WDR72: variants seen among roughly 807,000 people sequenced by gnomAD.
WDR72 encodes the protein WD repeat domain 72.
A neutral mutation model predicts 124.2 loss-of-function variants in WDR72; 120 were observed. That is an observed-to-expected ratio of 0.97 (90% confidence interval 0.83 to 1.12). WDR72 has a LOEUF of 1.12. Ranked by LOEUF, WDR72 falls within the 50% of genes most tolerant of loss-of-function variation. The probability of loss-of-function intolerance (pLI) is 0.00; values close to 1 mark genes in which losing one functional copy is unlikely to be tolerated. For synonymous variants in WDR72, 452 were observed against 441.7 expected (o/e 1.02, Z -0.29); for missense variants, 1,387 against 1,278.8 (o/e 1.08, Z -1.29).
In WDR72 at chr15:53,680,162, A is replaced by ACG. The variant is rs1220081558; in HGVS notation, c.1766-14395_1766-14394insCG. ...AACCAGAAATATTCTCTGAGATAAG[A>ACG]TAGGTTAATAGAATGCTCAGTTTCC... On this transcript the variant is annotated intron_variant, in intron 13 of 19. Coordinates refer to ENST00000360509, the MANE Select transcript of WDR72 (RefSeq NM_182758.4). Among the ~76,000 whole-genome samples the ACG allele has an allele frequency of 9.8e-5, 15 of 152,294 alleles. No individual in the cohort carries two copies. The East Asian group carries it at 2.9e-3, about 29-fold the overall frequency.
intron 14 of WDR72, among the ~76,000 whole-genome samples, chr15:53,645,865 T>A (rs1476058520): frequency 6.6e-6 from 1 of 152,158 alleles, no homozygotes; most frequent in Non-Finnish European, 1.5e-5. Flanking sequence ...ACATATATAT[T>A]TTTTGCTAGT....
At chr15:53,521,752 T>A (rs1891810028) in intron 19 of WDR72, among the ~76,000 whole-genome samples, 1 of 152,088 alleles carries the variant, frequency 6.6e-6, no homozygotes, top group Non-Finnish European at 1.5e-5. Context: ...AAAACCTGAT[T>A]CACAGATTTA....
At chr15:53,748,708 A>G (rs1420989705) in intron 1 of WDR72, among the ~76,000 whole-genome samples, 1 of 151,942 alleles carries the variant, frequency 6.6e-6, no homozygotes, top group Non-Finnish European at 1.5e-5. Flanking sequence ...ACATTCCATC[A>G]CTTTTTCTTA....
intron 13 of WDR72, among the ~76,000 whole-genome samples, chr15:53,692,490 T>C (rs1468044447): frequency 6.6e-6 from 1 of 152,210 alleles, no homozygotes; most frequent in Non-Finnish European, 1.5e-5. Flanking sequence ...AGATGGTGTT[T>C]TGAGGAGTTC....
intron 15 of WDR72, among the ~76,000 whole-genome samples, chr15:53,614,787 A>C (rs2013687053): frequency 6.6e-6 from 1 of 152,036 alleles, no homozygotes; most frequent in African/African-American, 2.4e-5. Flanking sequence ...GTAAATGAGG[A>C]AAGTAAGGCC....
At chr15:53,715,864 T>G (rs28612415) in intron 4 of WDR72, among the ~76,000 whole-genome samples, 1 of 152,166 alleles carries the variant, frequency 6.6e-6, no homozygotes, top group Non-Finnish European at 1.5e-5. Flanking sequence ...TTCCTTGCCA[T>G]AGCAACAATG....
rs185224144 is a variant in WDR72 at position 53,721,173 on chromosome 15, A to T, written c.260+1629T>A. Among the ~76,000 whole-genome samples, 72 of 152,324 alleles carry T rather than the reference A, an allele frequency of 4.7e-4. No homozygotes were observed. In the Middle Eastern group the frequency reaches 0.02, roughly 43 times the overall value. On this transcript the variant is annotated intron_variant, in intron 3 of 19. Coordinates refer to ENST00000360509, the MANE Select transcript of WDR72 (RefSeq NM_182758.4). ...AAAATTCAAATCAACTTGGTGAAGG[A>T]GGACAGCTAGGTAGACTGAAACTAG...
chr15:53,524,692 C>A (rs1892008577), intron 18 of WDR72, among the ~76,000 whole-genome samples: 1 of 152,116 alleles, frequency 6.6e-6, no homozygotes, highest in Admixed American at 6.6e-5. Flanking sequence ...GATATGACTT[C>A]TCTGTTCTAT....
At chr15:53,700,349 A>G (rs966447977) in intron 12 of WDR72, among the ~76,000 whole-genome samples, 1 of 152,188 alleles carries the variant, frequency 6.6e-6, no homozygotes, top group South Asian at 2.1e-4. Context: ...ATGAGCTGAT[A>G]TTTTCCACTT....
At chr15:53,705,896 G>T in intron 10 of WDR72, 31 bp downstream of exon 10, 1 of 1,613,126 alleles carries the variant, frequency 6.2e-7, no homozygotes, top group East Asian at 2.2e-5. Flanking sequence ...ATTCTCAGAA[G>T]ACATGTTACT....
chr15:53,644,053 C>G (rs1432062850), intron 14 of WDR72, among the ~76,000 whole-genome samples: 4 of 152,038 alleles, frequency 2.6e-5, no homozygotes, highest in African/African-American at 7.2e-5. Flanking sequence ...ATTGTAATTA[C>G]TTCAGGAATA....
chr15:53,556,758 A>G (rs1196337124), intron 18 of WDR72, among the ~76,000 whole-genome samples: 4 of 152,174 alleles, frequency 2.6e-5, no homozygotes, highest in African/African-American at 9.6e-5. Context: ...GACTGCTATT[A>G]TAGGCTTTCT....
At chr15:53,683,717 G>C (rs12902855) in intron 13 of WDR72, among the ~76,000 whole-genome samples, 107 of 149,488 alleles carry the variant, frequency 7.2e-4, no homozygotes, top group South Asian at 6.3e-3. Flanking sequence ...AACCACACAG[G>C]AGAGAGAGAA....
Position 53,538,674 on chromosome 15 carries a change from T to C in WDR72, c.3149-15352A>G, listed in dbSNP as rs184020056. On this transcript the variant is annotated intron_variant, in intron 18 of 19. Transcript: ENST00000360509. ...AATTTTAAAGGTGAAAAAATAGACT[T>C]ATTTTGGTTTATTATAAAAAGTTTT... Among the ~76,000 whole-genome samples the C allele has an allele frequency of 2.2e-3, 340 of 152,306 alleles. 2 individuals carry two copies. The highest frequency in any genetic ancestry group is 7.7e-3 in the African/African-American group (320 of 41,576).
intron 13 of WDR72, among the ~76,000 whole-genome samples, chr15:53,683,485 A>T (rs978574390): frequency 6.6e-6 from 1 of 152,120 alleles, no homozygotes; most frequent in South Asian, 2.1e-4. Flanking sequence ...TCCATACAAA[A>T]TTTTTTAAAA....
At chr15:53,537,117 G>A (rs538111019) in intron 18 of WDR72, among the ~76,000 whole-genome samples, 3 of 152,220 alleles carry the variant, frequency 2.0e-5, no homozygotes, top group East Asian at 1.9e-4. Flanking sequence ...GAGCATGACA[G>A]TCCCAGCTTT....
chr15:53,572,979 A>C (rs935844682), intron 18 of WDR72, among the ~76,000 whole-genome samples: 3 of 152,206 alleles, frequency 2.0e-5, no homozygotes, highest in African/African-American at 7.2e-5. Context: ...ATGTTGCTTT[A>C]TTGAATACCA....
chr15:53,757,977 T>TTCTCTCTCTCTCTC (rs5812712), intron 1 of WDR72, among the ~76,000 whole-genome samples: 9 of 148,772 alleles, frequency 6.0e-5, no homozygotes, highest in African/African-American at 2.2e-4. Context: ...AGAGTTTATT[T>TTCTCTCTCTCTCTC]TCTCTCTCTC....
intron 18 of WDR72, among the ~76,000 whole-genome samples, chr15:53,552,083 C>G (rs11070988): frequency 6.6e-6 from 1 of 151,872 alleles, no homozygotes; most frequent in African/African-American, 2.4e-5. Context: ...TCACCTGACA[C>G]TGACATTTTT....
Sources: allele counts gnomAD v4.1 joint callset (sites outside exome capture counted in the v4.1 genomes callset), GRCh38; gene constraint gnomAD v4.1.1; transcripts MANE v1.5; gene names NCBI Gene and HGNC (gene_info 2026-07-23, HGNC 2026-07-21).